Variants in EDDM13 observed in about 807,000 individuals in gnomAD.
The protein encoded by EDDM13 is epididymal protein 13.
Under a neutral mutation model 17.8 loss-of-function variants are expected in EDDM13, and 24 were observed. That is an observed-to-expected ratio of 1.35 (90% confidence interval 0.98 to 1.90). EDDM13 has a LOEUF of 1.90. EDDM13 is among the 40% of genes most tolerant of loss of function. The probability of loss-of-function intolerance (pLI) is 0.00; values close to 1 mark genes in which losing one functional copy is unlikely to be tolerated. For missense variants in EDDM13, 97 were observed against 100.8 expected (o/e 0.96, Z 0.16); for synonymous variants, 31 against 37.5 (o/e 0.83, Z 0.63).
At chr19:56,273,282 C>A (rs188099588) in intron 1 of EDDM13, among the ~76,000 whole-genome samples, 3 of 152,304 alleles carry the variant, frequency 2.0e-5, no homozygotes, top group Non-Finnish European at 4.4e-5. Context: ...GCCTGGAAGT[C>A]AACATTACCA....
At chr19:56,280,733 C>T (rs956911525) in intron 2 of EDDM13, 1 of 152,124 alleles carries the variant, frequency 6.6e-6, no homozygotes, top group Non-Finnish European at 1.5e-5. Context: ...GAGACAGAAA[C>T]AGAGACAGAG....
At chr19:56,298,729 C>CA (rs1258329633) in intron 12 of EDDM13, among the ~76,000 whole-genome samples, 2 of 151,312 alleles carry the variant, frequency 1.3e-5, no homozygotes, top group African/African-American at 2.4e-5. Flanking sequence ...TTACCACACA[C>CA]AAAAAAGTCT....
intron 3 of EDDM13, 80 bp from the exon 4 acceptor site, chr19:56,282,411 T>C (rs2038780913): frequency 2.3e-6 from 2 of 863,046 alleles, no homozygotes; most frequent in African/African-American, 3.7e-5. Context: ...CCTTTCATAT[T>C]CTCTCTGAAC....
Position 56,297,531 on chromosome 19 carries a change from G to A in EDDM13, c.295G>A (p.Val99Ile). 1.0e-6 allele frequency: 1 copy of A among 984,996 alleles called. No individual in the cohort carries two copies. The highest frequency in any genetic ancestry group is 1.2e-6 in the Non-Finnish European group (1 of 829,786). 61.0% of individuals were successfully genotyped at this position (984,996 alleles called of 1,614,324 possible). Reference sequence around the variant, plus strand: ...AGAAACAAGTGGCTGCAAGGAGGAAGGTAAGTGCTTGGGGTCGTACCATTC... The same window carrying A: ...AGAAACAAGTGGCTGCAAGGAGGAAAGTAAGTGCTTGGGGTCGTACCATTC... ...HEETSGCKEE[V>I]KPFSGTTPSR... Residue 99 changes from valine (V) to isoleucine (I), a missense_variant and splice_region_variant, in exon 12 of 15, where the codon GTT (valine) becomes ATT (isoleucine). Transcript: ENST00000649256.
intron 7 of EDDM13, among the ~76,000 whole-genome samples, 56 bp from the exon 8 acceptor site, chr19:56,288,816 TTC>T (rs2147134066): frequency 6.6e-6 from 1 of 152,304 alleles, no homozygotes; most frequent in South Asian, 2.1e-4. Context: ...TAATGTTGAT[TTC>T]TCTCTCTACT....
At chr19:56,291,845 C>CATGTA (rs2039529573) in intron 9 of EDDM13, among the ~76,000 whole-genome samples, 1 of 152,132 alleles carries the variant, frequency 6.6e-6, no homozygotes, top group South Asian at 2.1e-4. Context: ...ATCAGGCATT[C>CATGTA]ATGTAATGCC....
rs1469515864 is a variant in EDDM13 at position 56,295,940 on chromosome 19, T to A, written c.233-19T>A. 3 of 152,758 alleles carry A rather than the reference T, an allele frequency of 2.0e-5. No homozygotes were observed. The highest frequency in any genetic ancestry group is 4.4e-5 in the Non-Finnish European group (3 of 68,468). The allele number at this position is 152,758 out of a possible 1,614,324, so 9.5% of individuals were successfully genotyped here. On this transcript the variant is annotated intron_variant, in intron 9 of 14. Transcript: ENST00000649256. ...TCTTGCTTCCTGGACCCCATCTCCT[T>A]CTGGATGGACATCATCAGAGATCCT...
intron 3 of EDDM13, 139 bp from the exon 4 acceptor site, chr19:56,282,352 C>A: frequency 3.3e-6 from 1 of 305,406 alleles, no homozygotes; most frequent in Non-Finnish European, 4.8e-6. Flanking sequence ...GTTCCCTAAC[C>A]TATCTCAGGA....
intron 12 of EDDM13, among the ~76,000 whole-genome samples, chr19:56,298,534 T>C (rs889034546): frequency 6.6e-6 from 1 of 151,634 alleles, no homozygotes; most frequent in Non-Finnish European, 1.5e-5. Flanking sequence ...GTGCCTGTAG[T>C]CCCAGCTACT....
intron 3 of EDDM13, among the ~76,000 whole-genome samples, chr19:56,282,126 C>T (rs771594657): frequency 2.6e-5 from 4 of 152,086 alleles, no homozygotes; most frequent in Admixed American, 2.0e-4. Context: ...GTGGGTAAGA[C>T]GTCTTCCTTT....
chr19:56,273,710 ATGG>A (rs1380487573), intron 1 of EDDM13, among the ~76,000 whole-genome samples: 1 of 152,138 alleles, frequency 6.6e-6, no homozygotes, highest in African/African-American at 2.4e-5. Context: ...AAGGAGGGGC[ATGG>A]TGGTGAGACT....
chr19:56,304,897 C>A, intron 14 of EDDM13, 67 bp downstream of exon 14: 1 of 611,778 alleles, frequency 1.6e-6, no homozygotes, highest in Non-Finnish European at 2.0e-6. Flanking sequence ...TTCATCCCAA[C>A]TGCCTGGCAT....
At chr19:56,291,689 G>A (rs1219145557) in intron 9 of EDDM13, among the ~76,000 whole-genome samples, 1 of 151,846 alleles carries the variant, frequency 6.6e-6, no homozygotes, top group East Asian at 1.9e-4. Context: ...TCTCATCTCT[G>A]CCAAGGGAGG....
intron 13 of EDDM13, among the ~76,000 whole-genome samples, chr19:56,302,596 C>CCTTTTCTT: frequency 2.1e-5 from 1 of 46,780 alleles, no homozygotes; most frequent in Admixed American, 2.1e-4. Flanking sequence ...TTCTTCCTCT[C>CCTTTTCTT]CCTCTTCTTC....
chr19:56,308,012 A>C (rs1391660196), intron 14 of EDDM13, among the ~76,000 whole-genome samples: 1 of 151,560 alleles, frequency 6.6e-6, no homozygotes, highest in African/African-American at 2.4e-5. Context: ...TGATCCCCCC[A>C]CCCACATTCC....
chr19:56,302,531 T>TCCCC (rs2040345499), intron 13 of EDDM13, among the ~76,000 whole-genome samples: 1 of 17,952 alleles, frequency 5.6e-5, no homozygotes, highest in East Asian at 1.3e-3. Context: ...CCTCCCTCCC[T>TCCCC]CTTCTTCCTC....
intron 1 of EDDM13, among the ~76,000 whole-genome samples, chr19:56,275,470 C>G (rs2146998127): frequency 6.6e-6 from 1 of 152,276 alleles, no homozygotes; most frequent in South Asian, 2.1e-4. Context: ...GTGGCTCAAG[C>G]CTTTAATCCC....
intron 12 of EDDM13, among the ~76,000 whole-genome samples, chr19:56,298,646 C>T (rs572549160): frequency 1.0e-5 from 1 of 98,706 alleles, no homozygotes; most frequent in African/African-American, 5.6e-5. Flanking sequence ...AGCAAGACTC[C>T]ATCTCAAAAA....
intron 6 of EDDM13, among the ~76,000 whole-genome samples, chr19:56,286,178 T>C (rs1306576499): frequency 1.3e-5 from 2 of 151,878 alleles, no homozygotes; most frequent in Non-Finnish European, 2.9e-5. Flanking sequence ...CCCACCACCA[T>C]GCTCGGCTAA....
Sources: gnomAD v4.1 joint callset for allele counts (sites outside exome capture counted in the v4.1 genomes callset) on GRCh38, gnomAD v4.1.1 for gene constraint, MANE v1.5 for transcripts, NCBI Gene and HGNC (gene_info 2026-07-23, HGNC 2026-07-21) for gene names.